The following PVT1 variants were observed in gnomAD, a reference collection of about 807,000 sequenced individuals.
PVT1 encodes Pvt1 oncogene.
At chr8:127,865,305 A>C (rs1815274980) in intron 2 of PVT1, among the ~76,000 whole-genome samples, 8 of 152,152 alleles carry the variant, frequency 5.3e-5, no homozygotes, top group Admixed American at 5.2e-4. Context: ...GATGGGGATA[A>C]ACCTGGGTGT....
At chr8:128,001,877 T>G (rs926100088) in intron 4 of PVT1, among the ~76,000 whole-genome samples, 3 of 152,154 alleles carry the variant, frequency 2.0e-5, no homozygotes, top group Admixed American at 6.5e-5. Context: ...GTCAAGGCAC[T>G]AATCCCATTC....
rs1563657393 is a variant in PVT1 at position 127,984,863 on chromosome 8, T to TTCTTTCTTTCTTTC, written n.783-4297_783-4284dup. On this transcript the variant is annotated intron_variant and non_coding_transcript_variant, in intron 3 of 10. Transcript: ENST00000651587. ...TTTCTTTCTTTCTTTCTTTCTTTCT[T>TTCTTTCTTTCTTTC]TCTTTCTTTCTTTCTTTCTTTCTTT... 8.6e-4 allele frequency among the ~76,000 whole-genome samples: 57 copies of TTCTTTCTTTCTTTC among 66,448 alleles called. No homozygotes were observed. The South Asian group carries it at 0.011, about 12-fold the overall frequency. The allele number at this position is 66,448 out of a possible 152,430, so 43.6% of individuals were successfully genotyped here. A position where few individuals can be genotyped will look rare whatever the true frequency, so the allele number is the denominator to read the frequency against.
Position 127,929,104 on chromosome 8 carries a change from A to AG in PVT1, n.782+38112dup, listed in dbSNP as rs576342507. On this transcript the variant is annotated intron_variant and non_coding_transcript_variant, in intron 3 of 10. Coordinates refer to ENST00000651587, the Ensembl canonical transcript of PVT1. ...TGTATTGTACTTTGGGACAGAAGCAAGGGGGGTTTAGCGGGTGGGAAAGGG... is the reference window on the plus strand; with the variant it reads ...TGTATTGTACTTTGGGACAGAAGCAAGGGGGGGTTTAGCGGGTGGGAAAGGG... Among the ~76,000 whole-genome samples the AG allele has an allele frequency of 1.7e-4, 26 of 152,182 alleles. No homozygotes were observed. The South Asian group carries it at 5.4e-3, about 32-fold the overall frequency.
At chr8:127,839,928 T>C (rs937422457) in intron 2 of PVT1, among the ~76,000 whole-genome samples, 2 of 152,220 alleles carry the variant, frequency 1.3e-5, no homozygotes. Flanking sequence ...TCTGACCTCC[T>C]GCTGGTGCCT....
chr8:128,044,540 A>G (rs1813588685), intron 4 of PVT1, among the ~76,000 whole-genome samples: 1 of 152,230 alleles, frequency 6.6e-6, no homozygotes, highest in African/African-American at 2.4e-5. Context: ...CCCATGCTCT[A>G]ATCTAAATCA....
chr8:127,938,714 T>C (rs73359210), intron 3 of PVT1, among the ~76,000 whole-genome samples: 2,829 of 152,146 alleles, frequency 0.019, 93 homozygotes, highest in African/African-American at 0.064. Context: ...TCCCTGAAAA[T>C]GAGTGAAGAT....
intron 5 of PVT1, among the ~76,000 whole-genome samples, chr8:128,079,940 G>A (rs1563682196): frequency 6.6e-6 from 1 of 152,106 alleles, no homozygotes; most frequent in Admixed American, 6.5e-5. Context: ...TAGCCAGGAT[G>A]GTTTCAATCT....
intron 4 of PVT1, among the ~76,000 whole-genome samples, chr8:128,016,192 A>C (rs1817372027): frequency 6.6e-6 from 1 of 151,900 alleles, no homozygotes; most frequent in African/African-American, 2.4e-5. Context: ...TAGGAGGATC[A>C]CCAGAATCTG....
chr8:127,828,879 T>G (rs575132967), intron 2 of PVT1, among the ~76,000 whole-genome samples: 1 of 152,312 alleles, frequency 6.6e-6, no homozygotes, highest in Non-Finnish European at 1.5e-5. Context: ...CCTCCACCAG[T>G]TAAAGATTTT....
At chr8:127,923,225 G>A (rs986961307) in intron 3 of PVT1, among the ~76,000 whole-genome samples, 1 of 152,224 alleles carries the variant, frequency 6.6e-6, no homozygotes, top group Non-Finnish European at 1.5e-5. Context: ...TCATCATAGC[G>A]ATGCTGGCTG....
intron 5 of PVT1, among the ~76,000 whole-genome samples, chr8:128,082,338 A>G (rs904198122): frequency 2.0e-5 from 3 of 152,192 alleles, no homozygotes; most frequent in African/African-American, 7.2e-5. Context: ...CCACTTAGCA[A>G]TGTACTACTT....
intron 4 of PVT1, among the ~76,000 whole-genome samples, chr8:128,008,663 C>A (rs553218885): frequency 3.3e-5 from 5 of 152,332 alleles, no homozygotes; most frequent in Non-Finnish European, 7.3e-5. Flanking sequence ...ACGGATGCAT[C>A]TCTCAGTAAT....
At chr8:127,802,010 G>A (rs1814470460) in intron 2 of PVT1, among the ~76,000 whole-genome samples, 1 of 151,800 alleles carries the variant, frequency 6.6e-6, no homozygotes, top group Non-Finnish European at 1.5e-5. Context: ...CCGCCTCCCG[G>A]GTTCAAGCGA....
intron 2 of PVT1, among the ~76,000 whole-genome samples, chr8:127,843,336 C>T (rs543870358): frequency 3.6e-4 from 55 of 152,258 alleles, no homozygotes; most frequent in African/African-American, 1.2e-3. Context: ...CAGAGCGAGA[C>T]TCTGTCTCAA....
At chr8:128,056,678 C>T (rs567815855) in intron 4 of PVT1, among the ~76,000 whole-genome samples, 18 of 152,250 alleles carry the variant, frequency 1.2e-4, no homozygotes, top group Non-Finnish European at 2.4e-4. Flanking sequence ...GCCCTTGGGA[C>T]GCATCAGAAG....
intron 2 of PVT1, among the ~76,000 whole-genome samples, chr8:127,841,006 C>A (rs2129715159): frequency 6.6e-6 from 1 of 152,382 alleles, no homozygotes; most frequent in East Asian, 1.9e-4. Context: ...AGGCAGCAAC[C>A]TCTTTTTCAC....
intron 5 of PVT1, among the ~76,000 whole-genome samples, chr8:128,091,593 T>C (rs911546282): frequency 6.6e-6 from 1 of 152,148 alleles, no homozygotes; most frequent in Non-Finnish European, 1.5e-5. Context: ...GCTTAGACTC[T>C]AGAGGGATAC....
intron 5 of PVT1, among the ~76,000 whole-genome samples, chr8:128,076,884 G>C (rs914230443): frequency 2.0e-5 from 3 of 152,192 alleles, no homozygotes; most frequent in Admixed American, 6.5e-5. Context: ...AGCCCTTCAG[G>C]GGCTTCTGAG....
intron 4 of PVT1, among the ~76,000 whole-genome samples, chr8:128,035,113 G>A (rs770679509): frequency 4.5e-4 from 68 of 152,316 alleles, no homozygotes; most frequent in Non-Finnish European, 8.7e-4. Flanking sequence ...CTTCTCTTCT[G>A]TCTGGCTTTG....
Sources: allele counts gnomAD v4.1 joint callset (sites outside exome capture counted in the v4.1 genomes callset), GRCh38; gene constraint gnomAD v4.1.1; transcripts MANE v1.5; gene names NCBI Gene and HGNC (gene_info 2026-07-23, HGNC 2026-07-21).